Variants in UMODL1 observed in about 807,000 individuals in gnomAD.
The protein encoded by UMODL1 is uromodulin-like 1.
UMODL1 carries 128 observed loss-of-function variants against 136.3 expected under a neutral mutation model. The ratio of observed to expected loss-of-function variants is 0.94; its 90% confidence interval spans 0.81 to 1.09. The LOEUF is 1.09. Among genes scored for constraint, UMODL1 ranks in the 50% least tolerant of loss-of-function variants. The probability of loss-of-function intolerance (pLI) is 0.00; values close to 1 mark genes in which losing one functional copy is unlikely to be tolerated. For synonymous variants in UMODL1, 721 were observed against 720.0 expected (o/e 1.00, Z -0.02); for missense variants, 1,766 against 1,725.6 (o/e 1.02, Z -0.41).
chr21:42,093,777 T>C, intron 6 of UMODL1: 1 of 405,562 alleles, frequency 2.5e-6, no homozygotes, highest in Non-Finnish European at 5.0e-6. Context: ...GAAAGAGAGG[T>C]TTTCACAGTG....
chr21:42,113,303 G>C (rs1467844114), intron 12 of UMODL1, among the ~76,000 whole-genome samples: 1 of 151,802 alleles, frequency 6.6e-6, no homozygotes, highest in East Asian at 1.9e-4. Flanking sequence ...GAGTCCAGGG[G>C]CCTCAGGGAT....
At chr21:42,117,582 T>C (rs1386525970) in intron 14 of UMODL1, among the ~76,000 whole-genome samples, 6 of 152,188 alleles carry the variant, frequency 3.9e-5, no homozygotes, top group African/African-American at 1.4e-4. Flanking sequence ...ATTTCCTGAG[T>C]CTGAGCTCAG....
chr21:42,136,274 T>C (rs1230033218), intron 21 of UMODL1, among the ~76,000 whole-genome samples: 1 of 152,222 alleles, frequency 6.6e-6, no homozygotes, highest in Non-Finnish European at 1.5e-5. Context: ...TGGTGTTTAG[T>C]ACATTGAGAG....
upstream of UMODL1, among the ~76,000 whole-genome samples, chr21:42,067,537 G>A (rs773842167): frequency 3.3e-5 from 5 of 152,326 alleles, no homozygotes; most frequent in African/African-American, 7.2e-5. Context: ...TTGGCAGAAC[G>A]AGGACTGGAC....
chr21:42,119,293 G>A lies in UMODL1; in HGVS notation c.2658G>A (p.Leu886=). Residue 886 remains leucine, a synonymous_variant, in exon 15 of 23, where the codon CTG becomes CTA. Coordinates refer to ENST00000408910, the MANE Select transcript of UMODL1 (RefSeq NM_001004416.3). ...FLTAFQTVPL[L]EVIRGDTFIQ... is the part of the protein sequence containing the mutation. ...CCGCCTTCCAGACCGTGCCTCTGCTGGAGGTGATCAGAGGCGACACCTTCA... is the reference window on the plus strand; with the variant it reads ...CCGCCTTCCAGACCGTGCCTCTGCTAGAGGTGATCAGAGGCGACACCTTCA... The A allele has an allele frequency of 6.2e-7, 1 of 1,614,194 alleles. No homozygotes were observed.
chr21:42,126,294 TG>T (rs750609843), intron 17 of UMODL1, 50 bp from the exon 18 acceptor site: 9 of 1,608,662 alleles, frequency 5.6e-6, no homozygotes, highest in Non-Finnish European at 6.8e-6. Context: ...CAGCAGGGCG[TG>T]GGGGGCCGGC....
intron 7 of UMODL1, chr21:42,101,774 AT>A (rs1430050488): frequency 2.2e-6 from 1 of 456,662 alleles, no homozygotes; most frequent in Admixed American, 2.4e-5. Context: ...GTTGGAACCC[AT>A]TGGTCACCCT....
Position 42,113,838 on chromosome 21 carries a change from G to A in UMODL1, c.2362+8G>A. 6.2e-7 allele frequency: 1 copy of A among 1,604,930 alleles called. No homozygotes were observed. The highest frequency in any genetic ancestry group is 8.5e-7 in the Non-Finnish European group (1 of 1,174,720). On this transcript the variant is annotated splice_region_variant and intron_variant, in intron 13 of 22. Transcript: ENST00000408910. ...ATCTGAAAGTGAGGACAGGTAATGG[G>A]CTTCCATTTGTTTTTAAAGAGAGGA...
chr21:42,139,816 C>T (rs9979344), intron 22 of UMODL1, among the ~76,000 whole-genome samples: 27,999 of 152,096 alleles, frequency 0.18, 2,636 homozygotes, highest in South Asian at 0.31. Context: ...CTGTAAGGGT[C>T]CTGAGACCCC....
intron 1 of UMODL1, among the ~76,000 whole-genome samples, chr21:42,074,662 T>A (rs1034965037): frequency 6.6e-6 from 1 of 152,172 alleles, no homozygotes; most frequent in Non-Finnish European, 1.5e-5. Flanking sequence ...GTAAACCTGA[T>A]GCTTGTCCTG....
At position 42,113,742 on chromosome 21, in the gene UMODL1, G is replaced by T. The variant is rs1301922946; in HGVS notation, c.2274G>T (p.Gly758=). The T allele has an allele frequency of 1.9e-6, 3 of 1,613,994 alleles. No homozygotes were observed. Among genetic ancestry groups the T allele is most frequent in the South Asian group, 2.2e-5 (2 of 91,088 alleles). The part of the protein sequence containing the change: ...ETWNTSVTLS[G]LEPGVLHLVE... The stretch of plus-strand genomic sequence containing the variant: ...GGAACACGAGTGTGACACTGTCGGG[G>T]CTGGAGCCTGGGGTCTTGCACCTGG... Residue 758 remains glycine (G), a synonymous_variant, in exon 13 of 23, where the codon GGG becomes GGT. Transcript: ENST00000408910.
intron 21 of UMODL1, 99 bp from the exon 22 acceptor site, chr21:42,137,340 G>A: frequency 6.9e-7 from 1 of 1,454,346 alleles, no homozygotes; most frequent in African/African-American, 1.4e-5. Context: ...CATTCCCCGT[G>A]CTTCAGATCC....
In UMODL1 at chr21:42,117,151, T is replaced by C. The variant is rs796727648; in HGVS notation, c.2475+1166T>C. Reference sequence around the variant, plus strand: ...GGTAATCACTTATCTGCTTTTTGTCTCTATAGATTTGCCCATTGTGGACAT... The same window carrying C: ...GGTAATCACTTATCTGCTTTTTGTCCCTATAGATTTGCCCATTGTGGACAT... On this transcript the variant is annotated intron_variant, in intron 14 of 22. Transcript: ENST00000408910. Among the ~76,000 whole-genome samples, 6 of 152,302 alleles carry C rather than the reference T, an allele frequency of 3.9e-5. 1 individual carries two copies. Among genetic ancestry groups the C allele is most frequent in the African/African-American group, 1.2e-4 (5 of 41,572 alleles).
rs1173124377 is a variant in UMODL1 at position 42,084,197 on chromosome 21, T to C, written c.433T>C (p.Cys145Arg). The change falls in exon 3 of 23, where the codon TGC becomes CGC. Residue 145 changes from cysteine to arginine, a missense_variant. Coordinates refer to ENST00000408910, the MANE Select transcript of UMODL1 (RefSeq NM_001004416.3). ...CATCGACTGTCCTGGACTTGAGAAG[T>C]GCTGCCCCTGGTCAGGGGGGCGCTA... ...LDIDCPGLEK[C>R]CPWSGGRYCM... The C allele has an allele frequency of 4.3e-6, 7 of 1,613,682 alleles. No homozygotes were observed. Among genetic ancestry groups the C allele is most frequent in the South Asian group, 1.1e-5 (1 of 91,084 alleles).
At chr21:42,071,883 C>CAAA (rs71274595) in intron 1 of UMODL1, among the ~76,000 whole-genome samples, 2 of 137,658 alleles carry the variant, frequency 1.5e-5, no homozygotes, top group African/African-American at 5.4e-5. Context: ...CCATGTGTAC[C>CAAA]AAAAAAAAAA....
At position 42,109,715 on chromosome 21, in the gene UMODL1, C is replaced by T. The variant is rs2066790317; in HGVS notation, c.1657+16C>T. ...GCCTGTGAGGGTACGTGTCGACCCC[C>T]CTGCCGACTCTGGGAAGACCCCCTG... On this transcript the variant is annotated intron_variant, in intron 10 of 22. Coordinates refer to ENST00000408910, the MANE Select transcript of UMODL1 (RefSeq NM_001004416.3). 1 of 1,598,384 alleles carries T rather than the reference C, an allele frequency of 6.3e-7. No homozygotes were observed. The highest frequency in any genetic ancestry group is 1.1e-5 in the South Asian group (1 of 90,982).
At chr21:42,119,742 T>C (rs556491145) in intron 15 of UMODL1, among the ~76,000 whole-genome samples, 191 of 152,342 alleles carry the variant, frequency 1.3e-3, no homozygotes, top group Non-Finnish European at 2.0e-3. Context: ...TCTCCTATCA[T>C]ACTTGAACAT....
chr21:42,100,581 CTGAGGGGA>C (rs1191387694), intron 7 of UMODL1, among the ~76,000 whole-genome samples: 1 of 152,052 alleles, frequency 6.6e-6, no homozygotes, highest in Non-Finnish European at 1.5e-5. Flanking sequence ...TACACCAGGA[CTGAGGGGA>C]GGGACACTCT....
At chr21:42,128,042 A>G (rs1290639674) in intron 20 of UMODL1, 2 of 680,496 alleles carry the variant, frequency 2.9e-6, no homozygotes, top group East Asian at 6.1e-5. Context: ...ACTGGTGGGC[A>G]TTTCCCATTT....
Sources: gnomAD v4.1 joint callset for allele counts (sites outside exome capture counted in the v4.1 genomes callset) on GRCh38, gnomAD v4.1.1 for gene constraint, MANE v1.5 for transcripts, NCBI Gene and HGNC (gene_info 2026-07-23, HGNC 2026-07-21) for gene names.